HSF2BP: variants seen among roughly 807,000 people sequenced by gnomAD.
HSF2BP encodes heat shock transcription factor 2 binding protein.
HSF2BP carries 35 observed loss-of-function variants against 35.0 expected under a neutral mutation model. The ratio of observed to expected loss-of-function variants is 1.00; its 90% CI spans 0.76 to 1.32. The LOEUF (loss-of-function observed/expected upper bound fraction) is 1.32. Ranked by LOEUF, HSF2BP falls within the 40% of genes most tolerant of loss-of-function variation. The pLI, the probability that HSF2BP is intolerant of heterozygous loss-of-function variation, is 0.00. For missense variants in HSF2BP, 326 were observed against 321.7 expected (o/e 1.01, Z -0.10); for synonymous variants, 114 against 117.4 (o/e 0.97, Z 0.18).
At position 43,645,796 on chromosome 21, in the gene HSF2BP, G is replaced by A. The variant is rs137948094; in HGVS notation, c.188-1404C>T. Among the ~76,000 whole-genome samples the A allele has an allele frequency of 9.7e-4, 147 of 152,154 alleles. 2 individuals are homozygous for A. Among genetic ancestry groups the A allele is most frequent in the African/African-American group, 3.3e-3 (139 of 41,500 alleles). On this transcript the variant is annotated intron_variant, in intron 3 of 8. Transcript: ENST00000291560. ...AGCGGGTAGGGCTTTCGAATCTAGG[G>A]GTCTGAGAGGACAAGAGGAAGCCAG...
chr21:43,575,532 T>C (rs2081632337), intron 8 of HSF2BP, among the ~76,000 whole-genome samples: 1 of 152,236 alleles, frequency 6.6e-6, no homozygotes, highest in African/African-American at 2.4e-5. Context: ...TACACTTGAC[T>C]AGCAATTCAC....
At chr21:43,652,521 C>A (rs1424841484) in intron 3 of HSF2BP, among the ~76,000 whole-genome samples, 1 of 151,912 alleles carries the variant, frequency 6.6e-6, no homozygotes, top group Non-Finnish European at 1.5e-5. Context: ...ACGGCTCTTG[C>A]TGCCACAGTA....
In HSF2BP at chr21:43,625,345, CA is replaced by C. The variant is rs57894551; in HGVS notation, c.574+4976del. 4.3e-3 allele frequency among the ~76,000 whole-genome samples: 652 copies of C among 150,712 alleles called. 3 individuals carry two copies. Among genetic ancestry groups the C allele is most frequent in the African/African-American group, 0.015 (617 of 41,102 alleles). On this transcript the variant is annotated intron_variant, in intron 6 of 8. Transcript: ENST00000291560. The stretch of plus-strand genomic sequence containing the variant: ...ATATGCTGGACACCATACAAGGCAG[CA>C]AAAAAAATAAAAAATAAAAAAACCC...
intron 8 of HSF2BP, among the ~76,000 whole-genome samples, chr21:43,575,787 TAA>T (rs2081635866): frequency 6.6e-6 from 1 of 152,170 alleles, no homozygotes; most frequent in Non-Finnish European, 1.5e-5. Flanking sequence ...TAGTGCACAC[TAA>T]AAGACAGTGG....
At chr21:43,626,029 G>A (rs990374664) in intron 6 of HSF2BP, among the ~76,000 whole-genome samples, 6 of 152,152 alleles carry the variant, frequency 3.9e-5, no homozygotes, top group Non-Finnish European at 7.4e-5. Flanking sequence ...AATGCCTTCT[G>A]TTAAAAGACA....
intron 5 of HSF2BP, among the ~76,000 whole-genome samples, chr21:43,630,917 T>A (rs2082448137): frequency 6.6e-6 from 1 of 152,216 alleles, no homozygotes; most frequent in African/African-American, 2.4e-5. Context: ...ATTTCCAAGT[T>A]TGAACCTTTG....
intron 7 of HSF2BP, 79 bp from the exon 8 acceptor site, chr21:43,592,407 G>T: frequency 1.2e-6 from 1 of 866,254 alleles, no homozygotes; most frequent in Non-Finnish European, 1.9e-6. Context: ...TAGTTAAGAG[G>T]AACTTAACGT....
chr21:43,633,433 A>G lies in HSF2BP; in HGVS notation c.292-12T>C, dbSNP rs771480252. On this transcript the variant is annotated splice_polypyrimidine_tract_variant and intron_variant, in intron 4 of 8. Coordinates refer to ENST00000291560, the MANE Select transcript of HSF2BP (RefSeq NM_007031.2). ...AGAGCCAGTTTCTCCTAAAAGCAAAACAAAATTGAAAAATAAATAATAGCA... is the reference window on the plus strand; with the variant it reads ...AGAGCCAGTTTCTCCTAAAAGCAAAGCAAAATTGAAAAATAAATAATAGCA... 37 of 1,597,650 alleles carry G rather than the reference A, an allele frequency of 2.3e-5. No homozygotes were observed. The highest frequency in any genetic ancestry group is 1.1e-5 in the Non-Finnish European group (13 of 1,174,224).
Position 43,658,128 on chromosome 21 carries a change from G to A in HSF2BP, c.-32C>T, listed in dbSNP as rs1211565923. On this transcript the variant is annotated 5_prime_UTR_variant, in exon 2 of 9. Coordinates refer to ENST00000291560, the MANE Select transcript of HSF2BP (RefSeq NM_007031.2). The stretch of plus-strand genomic sequence containing the variant: ...TGCCGCCTCCGCTCCGTTCGCCTGA[G>A]CGTCGGCGCGCCCTCTGACCCCTCA... The A allele has an allele frequency of 6.6e-7, 1 of 1,512,218 alleles. No homozygotes were observed. The highest frequency in any genetic ancestry group is 1.4e-5 in the African/African-American group (1 of 71,994). 93.7% of individuals were successfully genotyped at this position (1,512,218 alleles called of 1,614,324 possible).
chr21:43,626,867 ATTT>A (rs72562311), intron 6 of HSF2BP, among the ~76,000 whole-genome samples: 2 of 146,956 alleles, frequency 1.4e-5, no homozygotes, highest in Admixed American at 6.7e-5. Flanking sequence ...ATACCAAGAA[ATTT>A]TTTTTTTTTT....
At chr21:43,612,713 C>T (rs1024069886) in intron 7 of HSF2BP, among the ~76,000 whole-genome samples, 2 of 151,566 alleles carry the variant, frequency 1.3e-5, no homozygotes, top group South Asian at 2.1e-4. Flanking sequence ...CCTGTAGTCC[C>T]AGCTACTCAG....
intron 8 of HSF2BP, among the ~76,000 whole-genome samples, chr21:43,574,180 T>C (rs889608301): frequency 6.6e-6 from 1 of 152,090 alleles, no homozygotes; most frequent in Non-Finnish European, 1.5e-5. Flanking sequence ...AGCTACATCA[T>C]CTCGCCCTTT....
At chr21:43,572,182 G>A (rs2081586055) in intron 8 of HSF2BP, among the ~76,000 whole-genome samples, 1 of 152,166 alleles carries the variant, frequency 6.6e-6, no homozygotes, top group African/African-American at 2.4e-5. Context: ...GAGAACACAG[G>A]GCGAGCCCCA....
At chr21:43,648,151 G>GT (rs925943946) in intron 3 of HSF2BP, among the ~76,000 whole-genome samples, 44 of 151,740 alleles carry the variant, frequency 2.9e-4, no homozygotes, top group African/African-American at 9.9e-4. Flanking sequence ...CTCCCCAAGT[G>GT]TTTTTTTTCC....
intron 8 of HSF2BP, among the ~76,000 whole-genome samples, chr21:43,584,445 A>G (rs2081819032): frequency 1.3e-5 from 2 of 152,180 alleles, no homozygotes; most frequent in Admixed American, 1.3e-4. Flanking sequence ...TTGGGGCTCC[A>G]ACTGACTGGA....
chr21:43,507,138 G>A, the HSF2BP span, among the ~76,000 whole-genome samples: 1 of 130,610 alleles, frequency 7.7e-6, no homozygotes, highest in East Asian at 2.1e-4. Flanking sequence ...AAACGCCCCT[G>A]TGAGACTGGA....
chr21:43,621,100 GT>G (rs1245194961), intron 6 of HSF2BP, among the ~76,000 whole-genome samples: 1 of 152,216 alleles, frequency 6.6e-6, no homozygotes, highest in Non-Finnish European at 1.5e-5. Context: ...ACTTAAATGA[GT>G]GTACCCCAAG....
chr21:43,607,853 T>C (rs2082153465), intron 7 of HSF2BP, among the ~76,000 whole-genome samples: 3 of 152,284 alleles, frequency 2.0e-5, no homozygotes, highest in Admixed American at 2.0e-4. Context: ...AGGAAAGGAC[T>C]CCCTGTTCAA....
intron 6 of HSF2BP, among the ~76,000 whole-genome samples, chr21:43,628,617 A>G (rs2082416972): frequency 6.6e-6 from 1 of 152,256 alleles, no homozygotes; most frequent in Non-Finnish European, 1.5e-5. Flanking sequence ...TATCCAGAAG[A>G]TCTAGCTAAG....
Sources: allele counts gnomAD v4.1 joint callset (sites outside exome capture counted in the v4.1 genomes callset), GRCh38; gene constraint gnomAD v4.1.1; transcripts MANE v1.5; gene names NCBI Gene and HGNC (gene_info 2026-07-23, HGNC 2026-07-21).